PRRC2C: variants seen among roughly 807,000 people sequenced by gnomAD.
The protein encoded by PRRC2C is proline rich coiled-coil 2C, also known as protein PRRC2C.
Under a neutral mutation model 317.2 loss-of-function variants are expected in PRRC2C, and 72 were observed. That is an observed-to-expected ratio of 0.23 (90% CI 0.19 to 0.28). The LOEUF (loss-of-function observed/expected upper bound fraction) is 0.28, where lower values mean the gene tolerates loss of function less well. Among genes scored for constraint, PRRC2C ranks in the 10% least tolerant of loss-of-function variants. The probability of loss-of-function intolerance (pLI) is 1.00; values close to 1 mark genes in which losing one functional copy is unlikely to be tolerated. For synonymous variants in PRRC2C, 1,296 were observed against 1,205.9 expected (o/e 1.07, Z -1.55); for missense variants, 3,074 against 3,459.7 (o/e 0.89, Z 2.80).
At chr1:171,534,465 ATT>A (rs11332424) in intron 12 of PRRC2C, among the ~76,000 whole-genome samples, 18 of 151,638 alleles carry the variant, frequency 1.2e-4, no homozygotes, top group African/African-American at 2.7e-4. Flanking sequence ...TACCCATGTG[ATT>A]TTTTTTTCCC....
At position 171,579,471 on chromosome 1, in the gene PRRC2C, T is replaced by G. The variant is rs200489270; in HGVS notation, c.7272+5T>G. On this transcript the variant is annotated splice_donor_5th_base_variant and intron_variant, in intron 27 of 34. Transcript: ENST00000647382. ...TTCCAACCAGGTCTCTCTCAGGTAA[T>G]ATCAAAGACTTCTTCCATCCTGTAT... 1 of 1,612,878 alleles carries G rather than the reference T, an allele frequency of 6.2e-7. No homozygotes were observed.
Position 171,527,676 on chromosome 1 carries a change from G to A in PRRC2C, c.1201-115G>A, listed in dbSNP as rs150696304. The stretch of plus-strand genomic sequence containing the variant: ...CAGGCTGAGGCATGAGAATTGCTTG[G>A]CCCCGGGAGACAGAGGTTGCAGTGA... On this transcript the variant is annotated intron_variant, in intron 10 of 34. Transcript: ENST00000647382. 2,190 of 778,314 alleles carry A rather than the reference G, an allele frequency of 2.8e-3. 6 individuals carry two copies. The highest frequency in any genetic ancestry group is 3.9e-3 in the Non-Finnish European group (1,875 of 484,142). 48.2% of individuals were successfully genotyped at this position (778,314 alleles called of 1,614,324 possible). A position where few individuals can be genotyped will look rare whatever the true frequency, so the allele number is the denominator to read the frequency against.
intron 6 of PRRC2C, 44 bp downstream of exon 6, chr1:171,517,858 G>C (rs371905114): frequency 1.1e-5 from 17 of 1,553,890 alleles, no homozygotes; most frequent in Non-Finnish European, 1.4e-5. Flanking sequence ...AGTGGTTTTT[G>C]ATCTGGGGTC....
At chr1:171,590,155 C>G (rs1385452771) in intron 34 of PRRC2C, among the ~76,000 whole-genome samples, 1 of 152,058 alleles carries the variant, frequency 6.6e-6, no homozygotes, top group Non-Finnish European at 1.5e-5. Flanking sequence ...GTTTTCTTCT[C>G]AAACTGTTTT....
chr1:171,510,572 C>G (rs895561194), intron 1 of PRRC2C: 2 of 152,280 alleles, frequency 1.3e-5, no homozygotes, highest in Non-Finnish European at 1.5e-5. Context: ...AGTACATTCT[C>G]TTTTCACAAC....
At chr1:171,524,005 C>T (rs1674091765) in intron 9 of PRRC2C, among the ~76,000 whole-genome samples, 1 of 151,154 alleles carries the variant, frequency 6.6e-6, no homozygotes, top group East Asian at 1.9e-4. Flanking sequence ...CACTGCACTC[C>T]AGTCTGGGTG....
rs1348331362 is a variant in PRRC2C, at chr1:171,509,882, T to C, written c.-57-2150T>C. ...TTTTTTTTTTTTTGAGACGGAGTCTTGGTCTGTCACCCAGGCTGTAGTACA... is the reference window on the plus strand; with the variant it reads ...TTTTTTTTTTTTTGAGACGGAGTCTCGGTCTGTCACCCAGGCTGTAGTACA... On this transcript the variant is annotated intron_variant, in intron 1 of 34. Coordinates refer to ENST00000647382, the MANE Select transcript of PRRC2C (RefSeq NM_001387844.1). 2.2e-5 allele frequency: 3 copies of C among 135,584 alleles called. No homozygotes were observed. The East Asian group carries it at 6.5e-4, about 29-fold the overall frequency. 8.4% of individuals were successfully genotyped at this position (135,584 alleles called of 1,614,324 possible).
At chr1:171,525,020 A>G (rs1159134877) in intron 10 of PRRC2C, 55 bp downstream of exon 10, 1 of 1,346,968 alleles carries the variant, frequency 7.4e-7, no homozygotes, top group Non-Finnish European at 1.0e-6. Context: ...TATTGTAATT[A>G]CTGTGTAATA....
intron 11 of PRRC2C, among the ~76,000 whole-genome samples, chr1:171,530,778 G>A (rs967258402): frequency 6.6e-6 from 1 of 152,142 alleles, no homozygotes. Context: ...GATGTATAGA[G>A]CAGCTGGCAC....
At chr1:171,534,985 A>G (rs1028326733) in intron 12 of PRRC2C, among the ~76,000 whole-genome samples, 4 of 152,214 alleles carry the variant, frequency 2.6e-5, no homozygotes, top group African/African-American at 4.8e-5. Flanking sequence ...TACAGATAAT[A>G]GTCCCTTTAC....
chr1:171,489,883 TC>T (rs1326596869), intron 1 of PRRC2C, among the ~76,000 whole-genome samples: 2 of 152,202 alleles, frequency 1.3e-5, no homozygotes, highest in African/African-American at 2.4e-5. Flanking sequence ...TTTCTTCAAT[TC>T]AACTTGCTGT....
At chr1:171,566,866 C>T in intron 22 of PRRC2C, 23 bp downstream of exon 22, 4 of 1,580,976 alleles carry the variant, frequency 2.5e-6, no homozygotes, top group Non-Finnish European at 3.4e-6. Flanking sequence ...TAGGGATTAC[C>T]AGTTCAACAG....
intron 32 of PRRC2C, 118 bp from the exon 33 acceptor site, chr1:171,588,261 T>TC: frequency 8.9e-7 from 1 of 1,123,530 alleles, no homozygotes; most frequent in South Asian, 1.3e-5. Flanking sequence ...GTAATCATCA[T>TC]AGTAAATTTT....
At chr1:171,517,913 A>C in intron 6 of PRRC2C, 99 bp downstream of exon 6, 1 of 943,818 alleles carries the variant, frequency 1.1e-6, no homozygotes, top group Non-Finnish European at 1.6e-6. Flanking sequence ...CTTTGTTTTC[A>C]TTAACATCTA....
intron 21 of PRRC2C, 28 bp from the exon 22 acceptor site, chr1:171,566,564 T>C: frequency 1.3e-6 from 2 of 1,531,324 alleles, no homozygotes; most frequent in Non-Finnish European, 1.8e-6. Flanking sequence ...ATCATAAACA[T>C]AGTTTTATCA....
At chr1:171,568,447 G>A (rs1684088602) in intron 23 of PRRC2C, 108 bp downstream of exon 23, 2 of 1,397,510 alleles carry the variant, frequency 1.4e-6, no homozygotes, top group South Asian at 1.6e-5. Flanking sequence ...TTTAACTCAG[G>A]GAAAGAGTTG....
chr1:171,587,312 C>G, intron 31 of PRRC2C, 91 bp downstream of exon 31: 2 of 1,216,936 alleles, frequency 1.6e-6, no homozygotes, highest in Non-Finnish European at 2.2e-6. Flanking sequence ...AACTAAAATG[C>G]GTCAGTTTTT....
intron 18 of PRRC2C, among the ~76,000 whole-genome samples, chr1:171,556,494 G>A (rs531879890): frequency 5.3e-5 from 8 of 152,280 alleles, no homozygotes; most frequent in African/African-American, 1.4e-4. Flanking sequence ...GAAATCACCC[G>A]TCTTCTGCGT....
Position 171,541,033 on chromosome 1 carries a change from T to C in PRRC2C, c.3567T>C (p.Gly1189=). ...RDWFPDQGYR[G]RGRGEYYSRG... is the part of the protein sequence containing the mutation. ...GGTTTCCAGATCAAGGATACAGAGG[T>C]CGAGGCCGAGGTGAATATTACTCCA... The change falls in exon 16 of 35, where the codon GGT becomes GGC. Residue 1189 remains glycine, a synonymous_variant. Transcript: ENST00000647382. This position sits in a 1 kb window ranked among gnomAD's most constrained non-coding sequence, Gnocchi z 4.1. The C allele has an allele frequency of 6.2e-7, 1 of 1,612,782 alleles. No individual in the cohort carries two copies. The highest frequency in any genetic ancestry group is 2.2e-5 in the East Asian group (1 of 44,850).
Sources: gnomAD v4.1 joint callset for allele counts (sites outside exome capture counted in the v4.1 genomes callset) on GRCh38, gnomAD v4.1.1 for gene constraint, Gnocchi (gnomAD v3.1) non-coding constraint, MANE v1.5 for transcripts, NCBI Gene and HGNC (gene_info 2026-07-23, HGNC 2026-07-21) for gene names.